The following SDK1 variants were observed in gnomAD, a reference collection of about 807,000 sequenced individuals.
The protein encoded by SDK1 is protein sidekick-1.
In SDK1, 157 loss-of-function variants were observed where a neutral mutation model predicts 245.5. The observed-to-expected ratio is 0.64, with a 90% confidence interval of 0.56 to 0.73. The LOEUF is 0.73. Ranked by LOEUF, SDK1 falls within the 30% of genes least tolerant of loss-of-function variation. The pLI, the probability that SDK1 is intolerant of heterozygous loss-of-function variation, is 0.00. For synonymous variants in SDK1, 1,647 were observed against 1,278.5 expected (o/e 1.29, Z -6.15); for missense variants, 3,583 against 3,002.3 (o/e 1.19, Z -4.52).
chr7:3,531,770 A>G (rs1328306236), intron 1 of SDK1, among the ~76,000 whole-genome samples: 2 of 152,228 alleles, frequency 1.3e-5, no homozygotes, highest in Non-Finnish European at 2.9e-5. Context: ...GTTACTATTT[A>G]TGATGCTTAT....
intron 3 of SDK1, 62 bp downstream of exon 3, chr7:3,639,172 C>T: frequency 1.1e-6 from 1 of 886,056 alleles, no homozygotes; most frequent in Non-Finnish European, 1.8e-6. Flanking sequence ...GGGAGTCAAT[C>T]AGAATCACTT....
intron 4 of SDK1, among the ~76,000 whole-genome samples, chr7:3,795,255 G>A (rs1778933753): frequency 6.6e-6 from 1 of 152,124 alleles, no homozygotes. Context: ...TGCTGTGGCT[G>A]TGATTTTTTT....
intron 5 of SDK1, among the ~76,000 whole-genome samples, chr7:3,888,927 A>G (rs1177207273): frequency 6.6e-6 from 1 of 152,246 alleles, no homozygotes; most frequent in African/African-American, 2.4e-5. Flanking sequence ...GAGTGTTAAA[A>G]AGGAACTATG....
At chr7:3,391,106 C>T (rs1256463615) in intron 1 of SDK1, among the ~76,000 whole-genome samples, 1 of 152,018 alleles carries the variant, frequency 6.6e-6, no homozygotes, top group African/African-American at 2.4e-5. Flanking sequence ...AATATAAAAA[C>T]CTTGGACACA....
At chr7:3,950,220 C>G (rs1252913050) in intron 5 of SDK1, among the ~76,000 whole-genome samples, 1 of 152,196 alleles carries the variant, frequency 6.6e-6, no homozygotes, top group Admixed American at 6.5e-5. Context: ...GTGCTTGGAC[C>G]CCATCTCATG....
At chr7:4,124,276 C>G (rs1052141057) in intron 25 of SDK1, among the ~76,000 whole-genome samples, 12 of 152,158 alleles carry the variant, frequency 7.9e-5, no homozygotes, top group African/African-American at 2.9e-4. Context: ...TTTTCTGTTA[C>G]CATTCTGGAA....
At chr7:3,953,406 T>C (rs1438742899) in intron 7 of SDK1, among the ~76,000 whole-genome samples, 4 of 152,216 alleles carry the variant, frequency 2.6e-5, no homozygotes, top group Non-Finnish European at 5.9e-5. Context: ...TCACTGTTGA[T>C]TCTACATGAG....
chr7:3,483,090 C>T (rs1008851746), intron 1 of SDK1, among the ~76,000 whole-genome samples: 3 of 152,066 alleles, frequency 2.0e-5, no homozygotes, highest in Non-Finnish European at 2.9e-5. Context: ...AGTTTTCTTA[C>T]ATATTTTATG....
At chr7:4,103,850 C>T (rs904754549) in intron 22 of SDK1, among the ~76,000 whole-genome samples, 3 of 152,242 alleles carry the variant, frequency 2.0e-5, no homozygotes, top group African/African-American at 7.2e-5. Context: ...GCCACACTTT[C>T]TGTAAAGGTC....
At chr7:3,882,103 AG>A (rs1041573974) in intron 5 of SDK1, among the ~76,000 whole-genome samples, 1 of 152,170 alleles carries the variant, frequency 6.6e-6, no homozygotes, top group African/African-American at 2.4e-5. Context: ...GCCAAGTGAA[AG>A]GGGAAACTCC....
intron 14 of SDK1, 136 bp downstream of exon 14, chr7:3,987,458 C>G: frequency 1.1e-6 from 1 of 900,624 alleles, no homozygotes; most frequent in Non-Finnish European, 1.7e-6. Context: ...GGGTTTCAAA[C>G]ACAGCCTGCC....
At chr7:4,040,362 G>C (rs929207828) in intron 17 of SDK1, among the ~76,000 whole-genome samples, 1 of 152,122 alleles carries the variant, frequency 6.6e-6, no homozygotes, top group Non-Finnish European at 1.5e-5. Flanking sequence ...CCGGGGGTCC[G>C]TGGCAACTGA....
intron 1 of SDK1, among the ~76,000 whole-genome samples, chr7:3,569,345 C>G (rs1304811580): frequency 2.0e-5 from 3 of 152,220 alleles, no homozygotes; most frequent in Non-Finnish European, 4.4e-5. Context: ...TCTCTAGCAA[C>G]TACCAGGGAA....
At chr7:3,708,869 T>C (rs976365808) in intron 4 of SDK1, among the ~76,000 whole-genome samples, 1 of 152,258 alleles carries the variant, frequency 6.6e-6, no homozygotes, top group African/African-American at 2.4e-5. Context: ...GTGTATCTTT[T>C]AAGTGGAGCA....
chr7:3,787,516 T>C (rs1562443051), intron 4 of SDK1, among the ~76,000 whole-genome samples: 1 of 152,022 alleles, frequency 6.6e-6, no homozygotes, highest in African/African-American at 2.4e-5. Context: ...AGAGCAATTC[T>C]AGAAAAACTA....
intron 35 of SDK1, among the ~76,000 whole-genome samples, chr7:4,186,995 G>T (rs971384488): frequency 1.3e-5 from 2 of 152,198 alleles, no homozygotes; most frequent in African/African-American, 4.8e-5. Flanking sequence ...GCTCCAGCAT[G>T]TCTACCTAGG....
intron 5 of SDK1, among the ~76,000 whole-genome samples, chr7:3,933,409 A>G (rs564133812): frequency 3.0e-4 from 46 of 152,264 alleles, no homozygotes; most frequent in African/African-American, 1.1e-3. Flanking sequence ...CGCTGCACCC[A>G]GCTGATCCTG....
At chr7:4,096,548 G>T (rs1454316053) in intron 22 of SDK1, among the ~76,000 whole-genome samples, 1 of 152,112 alleles carries the variant, frequency 6.6e-6, no homozygotes, top group Non-Finnish European at 1.5e-5. Context: ...GAGACCAGAA[G>T]TTCATTTAAC....
chr7:3,598,691 T>G (rs1205336298), intron 1 of SDK1, among the ~76,000 whole-genome samples: 1 of 152,200 alleles, frequency 6.6e-6, no homozygotes, highest in African/African-American at 2.4e-5. Flanking sequence ...TCAAGAATAT[T>G]ATATAAAAGG....
Sources: allele counts gnomAD v4.1 joint callset (sites outside exome capture counted in the v4.1 genomes callset), GRCh38; gene constraint gnomAD v4.1.1; transcripts MANE v1.5; gene names NCBI Gene and HGNC (gene_info 2026-07-23, HGNC 2026-07-21).